Variants in TDRP observed in about 807,000 individuals in gnomAD.
TDRP encodes the protein testis development-related protein.
Under a neutral mutation model 10.5 loss-of-function variants are expected in TDRP, and 12 were observed. The ratio of observed to expected loss-of-function variants is 1.15; its 90% confidence interval spans 0.73 to 1.86. The LOEUF is 1.86. Among genes scored for constraint, TDRP ranks in the 40% most tolerant of loss-of-function variants. TDRP has a pLI of 0.00. For synonymous variants in TDRP, 139 were observed against 95.4 expected, an observed-to-expected ratio of 1.46 and a Z score of -2.67; for missense variants, 353 against 229.2, an observed-to-expected ratio of 1.54 and a Z score of -3.49.
At chr8:537,753 C>G (rs956118834) in intron 1 of TDRP, among the ~76,000 whole-genome samples, 1 of 152,164 alleles carries the variant, frequency 6.6e-6, no homozygotes, top group African/African-American at 2.4e-5. Context: ...CCAGAGGAGA[C>G]GAGCCTAACT....
chr8:538,575 AC>A (rs1285192834), intron 1 of TDRP, among the ~76,000 whole-genome samples: 2 of 152,218 alleles, frequency 1.3e-5, no homozygotes, highest in Non-Finnish European at 2.9e-5. Context: ...AAGTGGCTCA[AC>A]AAAAGGCAGA....
intron 1 of TDRP, among the ~76,000 whole-genome samples, chr8:505,085 T>C (rs943078560): frequency 6.6e-6 from 1 of 152,244 alleles, no homozygotes; most frequent in African/African-American, 2.4e-5. Context: ...TAATTTTGTA[T>C]GCCTGATAAA....
intron 1 of TDRP, among the ~76,000 whole-genome samples, chr8:541,323 C>T (rs1007469541): frequency 1.3e-5 from 2 of 152,198 alleles, no homozygotes; most frequent in Non-Finnish European, 2.9e-5. Flanking sequence ...AAATTCACAA[C>T]TAGCACATAA....
chr8:522,963 A>G (rs1192644169), intron 1 of TDRP, among the ~76,000 whole-genome samples: 1 of 152,038 alleles, frequency 6.6e-6, no homozygotes, highest in East Asian at 1.9e-4. Flanking sequence ...ATCTTTTTTT[A>G]ATCGATTAAA....
At chr8:503,807 C>G (rs1332240521) in intron 1 of TDRP, among the ~76,000 whole-genome samples, 1 of 142,690 alleles carries the variant, frequency 7.0e-6, no homozygotes, top group Non-Finnish European at 1.6e-5. Context: ...CACCTCAGCA[C>G]GCGTCAATAT....
chr8:518,040 C>T (rs911429321), intron 1 of TDRP, among the ~76,000 whole-genome samples: 2 of 152,178 alleles, frequency 1.3e-5, no homozygotes, highest in Non-Finnish European at 2.9e-5. Flanking sequence ...CACTGGTGGA[C>T]ACGTGCCACC....
At chr8:502,121 C>T (rs1563118508) in intron 1 of TDRP, among the ~76,000 whole-genome samples, 1 of 152,202 alleles carries the variant, frequency 6.6e-6, no homozygotes, top group Non-Finnish European at 1.5e-5. Context: ...CCTGGGAACA[C>T]AAAACACAGT....
rs1000127570 is a variant in TDRP at position 525,876 on chromosome 8, G to C, written c.108+18774C>G. On this transcript the variant is annotated intron_variant, in intron 1 of 2. Coordinates refer to ENST00000324079, the MANE Select transcript of TDRP (RefSeq NM_001384899.1). ...CTCTCCAATCAGTTTGAGTACAATT[G>C]CTATTAGTATTTCTTTAAATGTTAG... Among the ~76,000 whole-genome samples the C allele has an allele frequency of 3.9e-4, 60 of 152,118 alleles. 5 individuals carry two copies.
rs566864111 is a variant in TDRP at position 518,413 on chromosome 8, T to C, written c.109-23816A>G. On this transcript the variant is annotated intron_variant, in intron 1 of 2. Coordinates refer to ENST00000324079, the MANE Select transcript of TDRP (RefSeq NM_001384899.1). ...GTAACCTGTGCTACCAGTTATTAAA[T>C]GTATTAGAAAACTTCACTAAGACAA... Among the ~76,000 whole-genome samples the C allele has an allele frequency of 7.2e-5, 11 of 152,268 alleles. No individual in the cohort carries two copies. The East Asian group carries it at 1.5e-3, about 21-fold the overall frequency.
chr8:506,718 A>G (rs1454015960), intron 1 of TDRP, among the ~76,000 whole-genome samples: 1 of 152,246 alleles, frequency 6.6e-6, no homozygotes, highest in Admixed American at 6.5e-5. Flanking sequence ...CCCCAGCTCC[A>G]GAGTCTTGGC....
upstream of TDRP, chr8:544,861 C>T (rs923975333): frequency 3.3e-5 from 29 of 870,034 alleles, no homozygotes; most frequent in Non-Finnish European, 7.5e-6. Context: ...GGACGCGGGC[C>T]CAGTGGGCCG....
chr8:518,077 G>C (rs1315904338), intron 1 of TDRP, among the ~76,000 whole-genome samples: 1 of 152,186 alleles, frequency 6.6e-6, no homozygotes, highest in African/African-American at 2.4e-5. Context: ...TCACAGAACA[G>C]ACAACACCCA....
intron 1 of TDRP, among the ~76,000 whole-genome samples, chr8:535,076 A>G (rs938409697): frequency 3.3e-5 from 5 of 152,236 alleles, no homozygotes; most frequent in African/African-American, 1.2e-4. Flanking sequence ...CATTTAGTCT[A>G]TAACATTTTT....
At chr8:528,944 A>G (rs897128526) in intron 1 of TDRP, among the ~76,000 whole-genome samples, 2 of 152,166 alleles carry the variant, frequency 1.3e-5, no homozygotes, top group East Asian at 1.9e-4. Flanking sequence ...GGAGCAAGGA[A>G]GCCAGTCCGA....
intron 1 of TDRP, among the ~76,000 whole-genome samples, chr8:504,061 A>G (rs879390450): frequency 2.0e-5 from 3 of 146,366 alleles, no homozygotes; most frequent in Non-Finnish European, 4.5e-5. Flanking sequence ...GGTAACCCAC[A>G]CCCACCTCAG....
At chr8:493,530 C>G (rs1176883649) in intron 2 of TDRP, among the ~76,000 whole-genome samples, 1 of 152,252 alleles carries the variant, frequency 6.6e-6, no homozygotes, top group Non-Finnish European at 1.5e-5. Flanking sequence ...AAAGCCAACT[C>G]TGTACTTGTA....
rs190709742 is a variant in TDRP at position 511,908 on chromosome 8, G to C, written c.109-17311C>G. ...AACATACCAAAAAACATGGGATTCA[G>C]TTAAAGCAAAGCTTAGGAGGAAATT... On this transcript the variant is annotated intron_variant, in intron 1 of 2. Coordinates refer to ENST00000324079, the MANE Select transcript of TDRP (RefSeq NM_001384899.1). Among the ~76,000 whole-genome samples, 170 of 152,222 alleles carry C rather than the reference G, an allele frequency of 1.1e-3. 1 individual carries two copies. The highest frequency in any genetic ancestry group is 2.0e-3 in the Non-Finnish European group (135 of 68,008).
At chr8:523,882 T>C (rs151204043) in intron 1 of TDRP, among the ~76,000 whole-genome samples, 1 of 152,140 alleles carries the variant, frequency 6.6e-6, no homozygotes, top group Non-Finnish European at 1.5e-5. Flanking sequence ...CTCATTGTCC[T>C]GAAAGGAAGG....
At chr8:507,526 G>C (rs1801499424) in intron 1 of TDRP, among the ~76,000 whole-genome samples, 2 of 152,124 alleles carry the variant, frequency 1.3e-5, no homozygotes, top group African/African-American at 4.8e-5. Context: ...CTGGAATTTA[G>C]CAGCTGCATG....
Sources: gnomAD v4.1 joint callset for allele counts (sites outside exome capture counted in the v4.1 genomes callset) on GRCh38, gnomAD v4.1.1 for gene constraint, MANE v1.5 for transcripts, NCBI Gene and HGNC (gene_info 2026-07-23, HGNC 2026-07-21) for gene names.